The following AKT3 variants were observed in gnomAD, a reference collection of about 807,000 sequenced individuals.
AKT3 encodes the protein RAC-gamma serine/threonine-protein kinase.
AKT3 carries 15 observed loss-of-function variants against 65.3 expected under a neutral mutation model. The observed-to-expected ratio is 0.23, with a 90% CI of 0.15 to 0.35. The LOEUF (loss-of-function observed/expected upper bound fraction) is 0.35. Among genes scored for constraint, AKT3 ranks in the 10% least tolerant of loss-of-function variants. AKT3 has a pLI of 1.00. For synonymous variants in AKT3, 206 were observed against 183.8 expected, an observed-to-expected ratio of 1.12 and a Z score of -0.98; for missense variants, 243 against 576.5, an observed-to-expected ratio of 0.42 and a Z score of 5.92.
At chr1:243,843,624 C>T (rs1406165851) in intron 1 of AKT3, 3 of 955,080 alleles carry the variant, frequency 3.1e-6, no homozygotes, top group Non-Finnish European at 2.5e-6. Flanking sequence ...GCCCTAAATC[C>T]CTGTAATTTC....
chr1:243,764,411 A>G (rs1689684379), intron 2 of AKT3, among the ~76,000 whole-genome samples: 1 of 152,098 alleles, frequency 6.6e-6, no homozygotes, highest in African/African-American at 2.4e-5. Flanking sequence ...TACTCATTCA[A>G]TAGTAATCTC....
At chr1:243,535,173 A>AAAT (rs1671820043) in intron 12 of AKT3, among the ~76,000 whole-genome samples, 1 of 130,152 alleles carries the variant, frequency 7.7e-6, no homozygotes, top group Admixed American at 7.3e-5. Context: ...AATATATTTA[A>AAAT]AATTTTAAAA....
intron 2 of AKT3, among the ~76,000 whole-genome samples, chr1:243,741,984 TC>T (rs1688179817): frequency 6.7e-6 from 1 of 148,690 alleles, no homozygotes; most frequent in Admixed American, 6.8e-5. Flanking sequence ...TTTTCCATAA[TC>T]CTCAGTTTGT....
At chr1:243,830,716 G>T (rs1215338589) in intron 2 of AKT3, among the ~76,000 whole-genome samples, 1 of 152,036 alleles carries the variant, frequency 6.6e-6, no homozygotes, top group Non-Finnish European at 1.5e-5. Flanking sequence ...GAAATCAGAG[G>T]TACTTTACCG....
At chr1:243,542,160 C>G (rs1340534093) in intron 12 of AKT3, among the ~76,000 whole-genome samples, 2 of 152,148 alleles carry the variant, frequency 1.3e-5, no homozygotes, top group Non-Finnish European at 2.9e-5. Flanking sequence ...AGCAGACTGA[C>G]AGAGTGTAAA....
intron 6 of AKT3, among the ~76,000 whole-genome samples, chr1:243,618,800 C>A (rs1380264380): frequency 6.6e-6 from 1 of 152,026 alleles, no homozygotes; most frequent in African/African-American, 2.4e-5. Context: ...TACACACGAT[C>A]TAAAGTTCTC....
chr1:243,832,120 T>TAAAA (rs869235352), intron 2 of AKT3, among the ~76,000 whole-genome samples: 4 of 44,766 alleles, frequency 8.9e-5, no homozygotes, highest in Admixed American at 3.8e-4. Context: ...TCCCTAAAAC[T>TAAAA]AAAAAAAAAA....
chr1:243,601,578 G>A (rs1442919912), intron 8 of AKT3, among the ~76,000 whole-genome samples: 1 of 152,018 alleles, frequency 6.6e-6, no homozygotes, highest in Non-Finnish European at 1.5e-5. Flanking sequence ...TACCCAAGAA[G>A]ATTAAAAATA....
At chr1:243,660,865 T>G (rs966697467) in intron 4 of AKT3, among the ~76,000 whole-genome samples, 1 of 152,184 alleles carries the variant, frequency 6.6e-6, no homozygotes, top group African/African-American at 2.4e-5. Flanking sequence ...CAGCAAAGTC[T>G]CAGGATACAA....
intron 2 of AKT3, among the ~76,000 whole-genome samples, chr1:243,798,018 G>A (rs1465316980): frequency 6.6e-6 from 1 of 151,040 alleles, no homozygotes; most frequent in Non-Finnish European, 1.5e-5. Flanking sequence ...AAGTAGCTGG[G>A]ACTACAGGCG....
intron 2 of AKT3, among the ~76,000 whole-genome samples, chr1:243,716,829 T>C (rs1686541042): frequency 6.6e-6 from 1 of 152,252 alleles, no homozygotes; most frequent in South Asian, 2.1e-4. Context: ...CTTAGTGCTC[T>C]ATTAGAACTC....
At chr1:243,584,858 T>C (rs1675673855) in intron 8 of AKT3, among the ~76,000 whole-genome samples, 2 of 152,058 alleles carry the variant, frequency 1.3e-5, no homozygotes, top group Admixed American at 6.6e-5. Context: ...ATGCCCCCTC[T>C]CACCACTCCT....
intron 2 of AKT3, among the ~76,000 whole-genome samples, chr1:243,809,984 A>AT (rs575844707): frequency 0.026 from 3,931 of 152,274 alleles, 162 homozygotes; most frequent in African/African-American, 0.09. Context: ...TTTGAAACCA[A>AT]GAGAACAAAG....
chr1:243,654,002 C>T (rs1681572118), intron 4 of AKT3, among the ~76,000 whole-genome samples: 1 of 151,886 alleles, frequency 6.6e-6, no homozygotes, highest in African/African-American at 2.4e-5. Flanking sequence ...TTCCTGTTGG[C>T]TTTTCAGTCG....
At chr1:243,742,884 C>T (rs912877359) in intron 2 of AKT3, among the ~76,000 whole-genome samples, 4 of 150,620 alleles carry the variant, frequency 2.7e-5, no homozygotes, top group East Asian at 1.9e-4. Context: ...AGACCATTTA[C>T]GAAAATGAAA....
exon 14 of AKT3, chr1:243,488,440 T>C (rs1022450479): frequency 1.2e-5 from 2 of 162,496 alleles, no homozygotes; most frequent in African/African-American, 4.8e-5. Context: ...CTGCTGGCTG[T>C]AGGAAGCCGA....
intron 2 of AKT3, among the ~76,000 whole-genome samples, chr1:243,825,046 T>C (rs1330535069): frequency 1.3e-5 from 2 of 152,176 alleles, no homozygotes; most frequent in Non-Finnish European, 2.9e-5. Context: ...ATGTGGTACA[T>C]ATACACCATG....
intron 7 of AKT3, among the ~76,000 whole-genome samples, chr1:243,614,658 T>C (rs984913804): frequency 6.6e-6 from 1 of 152,146 alleles, no homozygotes; most frequent in Non-Finnish European, 1.5e-5. Context: ...ATAAAATATA[T>C]TCGATAAACA....
chr1:243,631,344 C>T (rs1188986127), intron 6 of AKT3, among the ~76,000 whole-genome samples: 1 of 152,208 alleles, frequency 6.6e-6, no homozygotes, highest in East Asian at 1.9e-4. Flanking sequence ...CGAAGTCTTG[C>T]TCTGGCACCC....
Sources: gnomAD v4.1 joint callset for allele counts (sites outside exome capture counted in the v4.1 genomes callset) on GRCh38, gnomAD v4.1.1 for gene constraint, MANE v1.5 for transcripts, NCBI Gene and HGNC (gene_info 2026-07-23, HGNC 2026-07-21) for gene names.